TMEM132D: variants seen among roughly 807,000 people sequenced by gnomAD.
The protein encoded by TMEM132D is mature OL transmembrane protein.
A neutral mutation model predicts 62.3 loss-of-function variants in TMEM132D; 21 were observed. That is an observed-to-expected ratio of 0.34 (90% CI 0.24 to 0.49). The LOEUF (loss-of-function observed/expected upper bound fraction) is 0.49. Among genes scored for constraint, TMEM132D ranks in the 20% least tolerant of loss-of-function variants. The pLI is 0.99. For synonymous variants in TMEM132D, 621 were observed against 575.6 expected, an observed-to-expected ratio of 1.08 and a Z score of -1.13; for missense variants, 1,346 against 1,402.8, an observed-to-expected ratio of 0.96 and a Z score of 0.65.
At chr12:129,401,562 C>T (rs2135700467) in intron 3 of TMEM132D, among the ~76,000 whole-genome samples, 1 of 151,968 alleles carries the variant, frequency 6.6e-6, no homozygotes, top group South Asian at 2.1e-4. Flanking sequence ...GAGCGAGACG[C>T]TGCCTTAAAA....
intron 3 of TMEM132D, among the ~76,000 whole-genome samples, chr12:129,467,064 G>A (rs1328013665): frequency 6.6e-6 from 1 of 152,028 alleles, no homozygotes; most frequent in Admixed American, 6.6e-5. Flanking sequence ...AAAAATATAC[G>A]TCAAATGAAT....
At chr12:129,225,025 C>T (rs1487161794) in intron 4 of TMEM132D, among the ~76,000 whole-genome samples, 5 of 152,166 alleles carry the variant, frequency 3.3e-5, no homozygotes, top group South Asian at 4.2e-4. Flanking sequence ...GTGAGGAGTG[C>T]GAGCTTTGGG....
chr12:129,581,872 AC>A (rs1877873607), intron 2 of TMEM132D, among the ~76,000 whole-genome samples: 1 of 152,122 alleles, frequency 6.6e-6, no homozygotes, highest in African/African-American at 2.4e-5. Flanking sequence ...TTTATAAATT[AC>A]CCTGCCACAG....
At chr12:129,146,460 G>A (rs1254541991) in intron 5 of TMEM132D, among the ~76,000 whole-genome samples, 2 of 152,096 alleles carry the variant, frequency 1.3e-5, no homozygotes, top group East Asian at 3.9e-4. Context: ...CACCAAAGTA[G>A]TCTTTGAAAA....
chr12:129,316,215 T>C (rs1868484353), intron 4 of TMEM132D, among the ~76,000 whole-genome samples: 1 of 152,082 alleles, frequency 6.6e-6, no homozygotes, highest in South Asian at 2.1e-4. Context: ...TTGTTTCTCT[T>C]GCTCCTTAAG....
At chr12:129,331,373 G>A (rs921274481) in intron 4 of TMEM132D, among the ~76,000 whole-genome samples, 2 of 152,180 alleles carry the variant, frequency 1.3e-5, no homozygotes, top group African/African-American at 4.8e-5. Flanking sequence ...TCCCTGTAGG[G>A]CTGGAGTTCT....
intron 3 of TMEM132D, among the ~76,000 whole-genome samples, chr12:129,460,437 C>A (rs1452111656): frequency 1.3e-5 from 2 of 152,028 alleles, no homozygotes. Context: ...CTCAGGCTGC[C>A]GGGATCTGAG....
chr12:129,584,516 TG>T (rs1391253998), intron 2 of TMEM132D, among the ~76,000 whole-genome samples: 3 of 152,218 alleles, frequency 2.0e-5, no homozygotes, highest in Non-Finnish European at 2.9e-5. Context: ...CTCAGCCATG[TG>T]ACTTGCTTTG....
rs1875083594 is a variant in TMEM132D, at chr12:129,095,542, G to C, written c.1444-10840C>G. Among the ~76,000 whole-genome samples, 3 of 152,042 alleles carry C rather than the reference G, an allele frequency of 2.0e-5. No individual in the cohort carries two copies. The South Asian group carries it at 6.2e-4, about 32-fold the overall frequency. ...AATTTTTGTATTTTTAGTAGAGATG[G>C]GGTTTTGCCATGTTGGCCAGGCTGA... is the stretch of plus-strand genomic sequence containing the variant. On this transcript the variant is annotated intron_variant, in intron 5 of 8. Coordinates refer to ENST00000422113, the MANE Select transcript of TMEM132D (RefSeq NM_133448.3).
chr12:129,139,599 G>T lies in TMEM132D; in HGVS notation c.1444-54897C>A, dbSNP rs145640255. Among the ~76,000 whole-genome samples, 107 of 152,310 alleles carry T rather than the reference G, an allele frequency of 7.0e-4. No homozygotes were observed. In the East Asian group the frequency reaches 7.1e-3, roughly 10 times the overall value. On this transcript the variant is annotated intron_variant, in intron 5 of 8. Transcript: ENST00000422113. ...AAATCTTGTGTCTGCTGTGGATCTG[G>T]TGCCTGGTCAAATAAGCAGTTGACT... is the stretch of plus-strand genomic sequence containing the variant.
chr12:129,854,348 G>A (rs569246316), intron 1 of TMEM132D, among the ~76,000 whole-genome samples: 19 of 152,198 alleles, frequency 1.2e-4, no homozygotes, highest in African/African-American at 4.1e-4. Context: ...TGTGACACAG[G>A]GCCAATGTCA....
At chr12:129,527,767 T>C (rs763056718) in intron 3 of TMEM132D, among the ~76,000 whole-genome samples, 5 of 152,220 alleles carry the variant, frequency 3.3e-5, no homozygotes, top group Non-Finnish European at 7.3e-5. Context: ...CACAGCATAA[T>C]TGGTTATCCT....
intron 4 of TMEM132D, among the ~76,000 whole-genome samples, chr12:129,259,727 G>A (rs904616831): frequency 1.3e-5 from 2 of 152,320 alleles, no homozygotes; most frequent in Middle Eastern, 3.4e-3. Flanking sequence ...AGGTGGAGAA[G>A]TGGATAGATT....
chr12:129,553,984 T>C (rs1275769001), intron 2 of TMEM132D, among the ~76,000 whole-genome samples: 5 of 152,210 alleles, frequency 3.3e-5, no homozygotes, highest in Admixed American at 2.6e-4. Context: ...TCCACAAATC[T>C]TTGATTATCC....
intron 2 of TMEM132D, among the ~76,000 whole-genome samples, chr12:129,662,234 G>C (rs970100507): frequency 1.3e-5 from 2 of 152,180 alleles, no homozygotes; most frequent in Admixed American, 1.3e-4. Context: ...CTTTTTCATA[G>C]TGAAGATAGA....
intron 3 of TMEM132D, among the ~76,000 whole-genome samples, chr12:129,351,079 TG>T (rs1869846672): frequency 6.6e-6 from 1 of 152,126 alleles, no homozygotes; most frequent in Admixed American, 6.5e-5. Context: ...CAGATGTGGA[TG>T]GGATGGCAAG....
rs187351321 is a variant in TMEM132D at position 129,478,125 on chromosome 12, A to G, written c.1115+52934T>C. Among the ~76,000 whole-genome samples, 5 of 152,342 alleles carry G rather than the reference A, an allele frequency of 3.3e-5. No individual in the cohort carries two copies. The South Asian group carries it at 8.3e-4, about 25-fold the overall frequency. On this transcript the variant is annotated intron_variant, in intron 3 of 8. Coordinates refer to ENST00000422113, the MANE Select transcript of TMEM132D (RefSeq NM_133448.3). The stretch of plus-strand genomic sequence containing the variant: ...AAACATGTCTAAACATAGAAAAGTT[A>G]CAGTAAAAATATGGTATAAAAGATC...
At chr12:129,503,743 A>G (rs1467884181) in intron 3 of TMEM132D, among the ~76,000 whole-genome samples, 1 of 152,198 alleles carries the variant, frequency 6.6e-6, no homozygotes, top group African/African-American at 2.4e-5. Context: ...GATGGGAGAC[A>G]AGCAAAAAGA....
Position 129,859,934 on chromosome 12 carries a change from C to T in TMEM132D, c.79+43327G>A, listed in dbSNP as rs183820634. Among the ~76,000 whole-genome samples, 320 of 152,258 alleles carry T rather than the reference C, an allele frequency of 2.1e-3. 2 individuals are homozygous for T. Among genetic ancestry groups the T allele is most frequent in the African/African-American group, 7.4e-3 (309 of 41,560 alleles). ...TCATGGGACTTTGCCTTGGATCTTGCGAGTCAATTCTCCCTAATAAACTCC... is the reference window on the plus strand; with the variant it reads ...TCATGGGACTTTGCCTTGGATCTTGTGAGTCAATTCTCCCTAATAAACTCC... On this transcript the variant is annotated intron_variant, in intron 1 of 8. Transcript: ENST00000422113.
Sources: gnomAD v4.1 joint callset for allele counts (sites outside exome capture counted in the v4.1 genomes callset) on GRCh38, gnomAD v4.1.1 for gene constraint, MANE v1.5 for transcripts, NCBI Gene and HGNC (gene_info 2026-07-23, HGNC 2026-07-21) for gene names.